Variants in PRKG1 observed in about 807,000 individuals in gnomAD.
PRKG1 encodes cGMP-dependent protein kinase 1.
A neutral mutation model predicts 88.1 loss-of-function variants in PRKG1; 35 were observed. That is an observed-to-expected ratio of 0.40 (90% CI 0.30 to 0.53). PRKG1 has a LOEUF of 0.53. Among genes scored for constraint, PRKG1 ranks in the 20% least tolerant of loss-of-function variants. PRKG1 has a pLI of 0.59. For synonymous variants in PRKG1, 303 were observed against 292.5 expected (o/e 1.04, Z -0.37); for missense variants, 540 against 839.8 (o/e 0.64, Z 4.41).
In PRKG1 at chr10:51,743,686, T is replaced by G. The variant is rs889909234; in HGVS notation, c.593-60899T>G. On this transcript the variant is annotated intron_variant, in intron 3 of 17. Coordinates refer to ENST00000373980, the MANE Select transcript of PRKG1 (RefSeq NM_006258.4). ...TATATATATATTTATATATATATAA[T>G]TTATTATATATATAATATAAACTAA... Among the ~76,000 whole-genome samples, 62 of 135,486 alleles carry G rather than the reference T, an allele frequency of 4.6e-4. 1 individual carries two copies. The highest frequency in any genetic ancestry group is 7.2e-4 in the Non-Finnish European group (46 of 64,298). 88.9% of individuals were successfully genotyped at this position (135,486 alleles called of 152,430 possible). A position where few individuals can be genotyped will look rare whatever the true frequency, so the allele number is the denominator to read the frequency against.
At chr10:52,176,465 C>T (rs975663313) in intron 9 of PRKG1, among the ~76,000 whole-genome samples, 2 of 151,778 alleles carry the variant, frequency 1.3e-5, no homozygotes, top group African/African-American at 4.8e-5. Flanking sequence ...TTCAGGTCCA[C>T]CCTACCACCC....
chr10:51,945,349 C>G (rs1250770401), intron 5 of PRKG1, among the ~76,000 whole-genome samples: 1 of 151,462 alleles, frequency 6.6e-6, no homozygotes, highest in East Asian at 1.9e-4. Context: ...CTATGTGTGT[C>G]TCTGCACGTG....
intron 4 of PRKG1, among the ~76,000 whole-genome samples, chr10:51,876,925 C>T (rs569957440): frequency 6.6e-6 from 1 of 152,250 alleles, no homozygotes; most frequent in South Asian, 2.1e-4. Flanking sequence ...GGAAATTTGC[C>T]TAGTAATGAA....
intron 8 of PRKG1, among the ~76,000 whole-genome samples, chr10:52,143,550 G>T (rs1042250914): frequency 3.9e-5 from 6 of 152,268 alleles, no homozygotes; most frequent in African/African-American, 1.4e-4. Flanking sequence ...CAAGCCAATA[G>T]AACTTGTGCC....
chr10:51,897,777 C>T (rs923833761), intron 4 of PRKG1, among the ~76,000 whole-genome samples: 3 of 152,088 alleles, frequency 2.0e-5, no homozygotes, highest in African/African-American at 7.2e-5. Context: ...TCCAGCCCTC[C>T]ATCCTCTGTC....
intron 1 of PRKG1, among the ~76,000 whole-genome samples, chr10:51,027,075 C>T (rs1843216754): frequency 6.6e-6 from 1 of 152,124 alleles, no homozygotes; most frequent in Non-Finnish European, 1.5e-5. Context: ...AAATGTGAGG[C>T]TCCTTGTTAA....
intron 3 of PRKG1, among the ~76,000 whole-genome samples, chr10:51,780,408 C>T (rs952233707): frequency 6.6e-6 from 1 of 151,872 alleles, no homozygotes; most frequent in Non-Finnish European, 1.5e-5. Flanking sequence ...TTTTGGAAGA[C>T]TCTGGGTAAA....
At chr10:51,388,160 T>G (rs1446674350) in intron 2 of PRKG1, among the ~76,000 whole-genome samples, 1 of 152,192 alleles carries the variant, frequency 6.6e-6, no homozygotes, top group Non-Finnish European at 1.5e-5. Flanking sequence ...TTACTATGAG[T>G]TGGTGTTTTG....
intron 3 of PRKG1, among the ~76,000 whole-genome samples, chr10:51,627,050 A>T (rs1377825174): frequency 6.6e-6 from 1 of 152,160 alleles, no homozygotes; most frequent in Non-Finnish European, 1.5e-5. Flanking sequence ...TGACAGTAAA[A>T]ATATAAGTTC....
At chr10:51,487,225 A>G (rs1840574173) in intron 3 of PRKG1, among the ~76,000 whole-genome samples, 1 of 152,194 alleles carries the variant, frequency 6.6e-6, no homozygotes. Flanking sequence ...AAGCTTCTGC[A>G]TCTTGCAATT....
rs1026050738 is a variant in PRKG1 at position 51,479,570 on chromosome 10, T to C, written c.592+11734T>C. Reference sequence around the variant, plus strand: ...TAGTGTCCTTTTTCTTCTACTCATCTTCCAATTTTTTTCAATTCATTTTTG... The same window carrying C: ...TAGTGTCCTTTTTCTTCTACTCATCCTCCAATTTTTTTCAATTCATTTTTG... On this transcript the variant is annotated intron_variant, in intron 3 of 17. Transcript: ENST00000373980. 3.3e-5 allele frequency among the ~76,000 whole-genome samples: 5 copies of C among 152,254 alleles called. No individual in the cohort carries two copies. The South Asian group carries it at 8.3e-4, about 25-fold the overall frequency.
At chr10:51,898,162 T>C (rs537390302) in intron 4 of PRKG1, among the ~76,000 whole-genome samples, 3,873 of 152,156 alleles carry the variant, frequency 0.025, 163 homozygotes, top group African/African-American at 0.088. Context: ...GTTATCTATC[T>C]CCCTCACCTT....
At chr10:51,619,392 G>A (rs1377639850) in intron 3 of PRKG1, among the ~76,000 whole-genome samples, 1 of 152,104 alleles carries the variant, frequency 6.6e-6, no homozygotes, top group Non-Finnish European at 1.5e-5. Context: ...TCATTTGACT[G>A]GGTCTTTCCC....
At chr10:51,099,422 C>A (rs951996416) in intron 1 of PRKG1, among the ~76,000 whole-genome samples, 3 of 152,016 alleles carry the variant, frequency 2.0e-5, no homozygotes, top group Non-Finnish European at 4.4e-5. Flanking sequence ...CTCACTCACT[C>A]ACGTGCTTTT....
intron 3 of PRKG1, among the ~76,000 whole-genome samples, chr10:51,770,910 G>A (rs994479310): frequency 6.6e-6 from 1 of 152,144 alleles, no homozygotes; most frequent in Non-Finnish European, 1.5e-5. Flanking sequence ...GATATGTTCT[G>A]AGAAATGTGT....
At chr10:51,115,986 T>TATA (rs1258390846) in intron 1 of PRKG1, among the ~76,000 whole-genome samples, 1 of 152,112 alleles carries the variant, frequency 6.6e-6, no homozygotes, top group East Asian at 1.9e-4. Context: ...CGAGTACATG[T>TATA]ATAGGCTGGG....
At chr10:52,202,300 G>A (rs900689826) in intron 9 of PRKG1, among the ~76,000 whole-genome samples, 2 of 152,074 alleles carry the variant, frequency 1.3e-5, no homozygotes, top group Non-Finnish European at 2.9e-5. Context: ...CTACTGATAA[G>A]GTCTTATGGT....
intron 1 of PRKG1, among the ~76,000 whole-genome samples, chr10:51,093,984 C>A (rs1233798561): frequency 6.6e-6 from 1 of 151,466 alleles, no homozygotes; most frequent in Non-Finnish European, 1.5e-5. Context: ...GTTGTTTGTC[C>A]ATGTAAGCTC....
chr10:51,972,941 A>G (rs1843744228), intron 5 of PRKG1, among the ~76,000 whole-genome samples: 1 of 152,132 alleles, frequency 6.6e-6, no homozygotes, highest in African/African-American at 2.4e-5. Context: ...GAAGCCTCCC[A>G]GGAGCACAGA....
Sources: gnomAD v4.1 joint callset for allele counts (sites outside exome capture counted in the v4.1 genomes callset) on GRCh38, gnomAD v4.1.1 for gene constraint, MANE v1.5 for transcripts, NCBI Gene and HGNC (gene_info 2026-07-23, HGNC 2026-07-21) for gene names.